Variants in FAM78B observed in about 807,000 individuals in gnomAD.
FAM78B encodes protein FAM78B.
Under a neutral mutation model 20.0 loss-of-function variants are expected in FAM78B, and 10 were observed. That is an observed-to-expected ratio of 0.50 (90% CI 0.31 to 0.85). The LOEUF is 0.85. Among genes scored for constraint, FAM78B ranks in the 40% least tolerant of loss-of-function variants. The pLI, the probability that FAM78B is intolerant of heterozygous loss-of-function variation, is 0.05. For synonymous variants in FAM78B, 135 were observed against 132.8 expected (o/e 1.02, Z -0.12); for missense variants, 283 against 345.0 (o/e 0.82, Z 1.42).
At chr1:166,161,362 G>T (rs1370407431) in intron 1 of FAM78B, among the ~76,000 whole-genome samples, 1 of 152,130 alleles carries the variant, frequency 6.6e-6, no homozygotes, top group Non-Finnish European at 1.5e-5. Flanking sequence ...TGGTCAGGCT[G>T]GTCTTGAACT....
intron 1 of FAM78B, among the ~76,000 whole-genome samples, chr1:166,136,886 C>G (rs559852688): frequency 2.0e-5 from 3 of 152,136 alleles, no homozygotes; most frequent in Non-Finnish European, 4.4e-5. Context: ...TAGCATAATG[C>G]CTGGCACACA....
intron 1 of FAM78B, among the ~76,000 whole-genome samples, chr1:166,111,000 G>C (rs892648636): frequency 4.6e-5 from 7 of 152,124 alleles, no homozygotes; most frequent in Non-Finnish European, 1.0e-4. Flanking sequence ...CAGGAGTTGG[G>C]GTGAATAAAA....
At chr1:166,146,861 T>C (rs910547262) in intron 1 of FAM78B, among the ~76,000 whole-genome samples, 1 of 152,196 alleles carries the variant, frequency 6.6e-6, no homozygotes, top group Non-Finnish European at 1.5e-5. Flanking sequence ...TTTGCAAGCT[T>C]CAGATCATTC....
chr1:166,107,273 A>C (rs1228509644), intron 1 of FAM78B, among the ~76,000 whole-genome samples: 1 of 152,206 alleles, frequency 6.6e-6, no homozygotes. Context: ...CCAAGAAAAG[A>C]AGAGAGAAAA....
At chr1:166,123,087 G>C (rs1654519333) in intron 1 of FAM78B, among the ~76,000 whole-genome samples, 1 of 152,238 alleles carries the variant, frequency 6.6e-6, no homozygotes, top group Non-Finnish European at 1.5e-5. Context: ...CAGCAGAGCA[G>C]CAGGGGGTAG....
At chr1:166,154,546 G>A (rs1300875501) in intron 1 of FAM78B, among the ~76,000 whole-genome samples, 1 of 152,222 alleles carries the variant, frequency 6.6e-6, no homozygotes, top group Non-Finnish European at 1.5e-5. Flanking sequence ...TGCTGCCAAG[G>A]GATGGATTCT....
chr1:166,083,958 G>A (rs890601558), intron 1 of FAM78B, among the ~76,000 whole-genome samples: 2 of 151,876 alleles, frequency 1.3e-5, no homozygotes, highest in African/African-American at 4.8e-5. Flanking sequence ...TCTTCAAAGG[G>A]TAGGACTCAT....
chr1:166,107,372 C>T (rs887347477), intron 1 of FAM78B, among the ~76,000 whole-genome samples: 11 of 152,024 alleles, frequency 7.2e-5, no homozygotes, highest in Admixed American at 5.3e-4. Flanking sequence ...CTTATGAATA[C>T]CTTTGTGCAC....
At chr1:166,057,012 G>A (rs936240320), downstream of FAM78B, among the ~76,000 whole-genome samples, 11 of 152,172 alleles carry the variant, frequency 7.2e-5, no homozygotes, top group African/African-American at 2.7e-4. Context: ...TGCCAAGTAC[G>A]AACTAGAAAA....
chr1:166,126,050 G>A lies in FAM78B; in HGVS notation c.263+39936C>T, dbSNP rs915893213. Among the ~76,000 whole-genome samples the A allele has an allele frequency of 2.6e-5, 4 of 152,142 alleles. 1 individual carries two copies. The highest frequency in any genetic ancestry group is 9.6e-5 in the African/African-American group (4 of 41,504). On this transcript the variant is annotated intron_variant, in intron 1 of 1. Coordinates refer to ENST00000354422, the MANE Select transcript of FAM78B (RefSeq NM_001017961.5). ...TTTCACCATGTTGGTTGGCCAGGATGGTTTCAATCTCTTGGCCTGGTGATC... is the reference window on the plus strand; with the variant it reads ...TTTCACCATGTTGGTTGGCCAGGATAGTTTCAATCTCTTGGCCTGGTGATC...
chr1:166,085,344 C>A (rs1470973518), intron 1 of FAM78B, among the ~76,000 whole-genome samples: 1 of 152,164 alleles, frequency 6.6e-6, no homozygotes, highest in Non-Finnish European at 1.5e-5. Flanking sequence ...GGCCACTGTA[C>A]CATCCCTTCC....
At chr1:166,122,260 A>G (rs1360553351) in intron 1 of FAM78B, among the ~76,000 whole-genome samples, 1 of 152,156 alleles carries the variant, frequency 6.6e-6, no homozygotes, top group African/African-American at 2.4e-5. Flanking sequence ...TGCTCTGCCC[A>G]GGGCACAGAT....
chr1:166,092,940 A>G lies in FAM78B; in HGVS notation c.264-22177T>C, dbSNP rs181818599. On this transcript the variant is annotated intron_variant, in intron 1 of 1. Coordinates refer to ENST00000354422, the MANE Select transcript of FAM78B (RefSeq NM_001017961.5). ...GACAAGCTTACTGGATCTCAGAGACATTCTAACTTGCCGTTAAGTGGCCGG... is the reference window on the plus strand; with the variant it reads ...GACAAGCTTACTGGATCTCAGAGACGTTCTAACTTGCCGTTAAGTGGCCGG... Among the ~76,000 whole-genome samples the G allele has an allele frequency of 5.3e-5, 8 of 152,358 alleles. No homozygotes were observed. In the East Asian group the frequency reaches 1.5e-3, roughly 29 times the overall value.
At chr1:166,062,285 G>C (rs1171939310) in intron 2 of FAM78B, among the ~76,000 whole-genome samples, 1 of 152,146 alleles carries the variant, frequency 6.6e-6, no homozygotes, top group Non-Finnish European at 1.5e-5. Context: ...TGGTCCATGA[G>C]ACCACCCTGT....
At chr1:166,110,281 G>GA (rs1654001356) in intron 1 of FAM78B, among the ~76,000 whole-genome samples, 1 of 151,820 alleles carries the variant, frequency 6.6e-6, no homozygotes. Context: ...TTAAAAAAAA[G>GA]AAAGAGAATG....
At chr1:166,114,665 G>A (rs1435644887) in intron 1 of FAM78B, among the ~76,000 whole-genome samples, 3 of 152,188 alleles carry the variant, frequency 2.0e-5, no homozygotes, top group Non-Finnish European at 4.4e-5. Context: ...GTAGGGAGGA[G>A]GTGGCCTTTA....
At chr1:166,102,693 C>A (rs1236774861) in intron 1 of FAM78B, among the ~76,000 whole-genome samples, 2 of 152,128 alleles carry the variant, frequency 1.3e-5, no homozygotes, top group Non-Finnish European at 2.9e-5. Context: ...TACAGGAGCA[C>A]CCAGATTCAT....
At chr1:166,064,247 C>A (rs1022773347) in intron 2 of FAM78B, among the ~76,000 whole-genome samples, 6 of 152,082 alleles carry the variant, frequency 3.9e-5, no homozygotes, top group Non-Finnish European at 5.9e-5. Flanking sequence ...ACCCACACGG[C>A]CAAATCTGAA....
intron 1 of FAM78B, among the ~76,000 whole-genome samples, chr1:166,162,675 G>C (rs1656193707): frequency 1.3e-5 from 2 of 152,152 alleles, no homozygotes; most frequent in South Asian, 4.2e-4. Flanking sequence ...AGAGCTTCCT[G>C]ACATCCTCTG....
Sources: gnomAD v4.1 joint callset for allele counts (sites outside exome capture counted in the v4.1 genomes callset) on GRCh38, gnomAD v4.1.1 for gene constraint, MANE v1.5 for transcripts, NCBI Gene and HGNC (gene_info 2026-07-23, HGNC 2026-07-21) for gene names.